Variants in LINGO2 observed in about 807,000 individuals in gnomAD.
LINGO2 encodes the protein leucine-rich repeat and immunoglobulin-like domain-containing nogo receptor-interacting protein 2.
Under a neutral mutation model 30.6 loss-of-function variants are expected in LINGO2, and 14 were observed. That is an observed-to-expected ratio of 0.46 (90% confidence interval 0.30 to 0.72). The LOEUF is 0.72. Ranked by LOEUF, LINGO2 falls within the 30% of genes least tolerant of loss-of-function variation. LINGO2 has a pLI of 0.07. For synonymous variants in LINGO2, 317 were observed against 288.5 expected (o/e 1.10, Z -1.00); for missense variants, 729 against 751.7 (o/e 0.97, Z 0.35).
chr9:29,098,809 C>T, the LINGO2 span, among the ~76,000 whole-genome samples: 2,916 of 151,918 alleles, frequency 0.019, 25 homozygotes, highest in South Asian at 0.052. Flanking sequence ...CTATGGTTTC[C>T]GTGTTAAAGT....
At chr9:29,013,802 A>C in the LINGO2 span, among the ~76,000 whole-genome samples, 1 of 152,164 alleles carries the variant, frequency 6.6e-6, no homozygotes, top group Non-Finnish European at 1.5e-5. Context: ...GATGCCCATG[A>C]TATATTTTCA....
At chr9:28,993,012 A>T in the LINGO2 span, among the ~76,000 whole-genome samples, 1 of 152,078 alleles carries the variant, frequency 6.6e-6, no homozygotes, top group African/African-American at 2.4e-5. Context: ...AATAACTAAA[A>T]TCAGAGCAGA....
At chr9:28,026,917 C>A (rs1034713249) in intron 4 of LINGO2, among the ~76,000 whole-genome samples, 3 of 152,136 alleles carry the variant, frequency 2.0e-5, no homozygotes, top group Non-Finnish European at 2.9e-5. Flanking sequence ...TTTTCACGAC[C>A]TAGATCTCCT....
the LINGO2 span, among the ~76,000 whole-genome samples, chr9:29,183,923 T>C: frequency 6.6e-6 from 1 of 151,964 alleles, no homozygotes; most frequent in Non-Finnish European, 1.5e-5. Context: ...CCTACAAATG[T>C]AACACTTGAG....
rs143689926 is a variant in LINGO2, at chr9:28,190,496, G to T, written c.-87+104712C>A. On this transcript the variant is annotated intron_variant, in intron 4 of 5. Transcript: ENST00000379992. ...TATGTCCTGAGAGCAGAGCCCAAATGAATGAGATTCGTGCCCTTATAAAAG... is the reference window on the plus strand; with the variant it reads ...TATGTCCTGAGAGCAGAGCCCAAATTAATGAGATTCGTGCCCTTATAAAAG... 1.8e-3 allele frequency among the ~76,000 whole-genome samples: 281 copies of T among 152,214 alleles called. 2 individuals are homozygous for T. Among genetic ancestry groups the T allele is most frequent in the African/African-American group, 6.5e-3 (272 of 41,538 alleles).
intron 1 of LINGO2, among the ~76,000 whole-genome samples, chr9:28,532,852 A>G (rs1821288111): frequency 6.6e-6 from 1 of 151,898 alleles, no homozygotes; most frequent in Non-Finnish European, 1.5e-5. Context: ...TCTATTATAC[A>G]TTTCTAATTA....
the LINGO2 span, among the ~76,000 whole-genome samples, chr9:28,957,995 T>A: frequency 5.6e-4 from 85 of 152,310 alleles, no homozygotes; most frequent in African/African-American, 2.0e-3. Flanking sequence ...TTACATAAAC[T>A]TTTTCAAAGT....
At chr9:29,023,124 C>T in the LINGO2 span, among the ~76,000 whole-genome samples, 57,151 of 151,598 alleles carry the variant, frequency 0.38, 11,132 homozygotes, top group East Asian at 0.54. Context: ...CTTGAGTCTT[C>T]ACCCAGAGAG....
At chr9:28,180,936 G>T (rs1019163682) in intron 4 of LINGO2, among the ~76,000 whole-genome samples, 6 of 152,120 alleles carry the variant, frequency 3.9e-5, no homozygotes, top group Non-Finnish European at 8.8e-5. Flanking sequence ...ATAACCATTT[G>T]CCAATGTAGC....
chr9:28,056,201 A>C (rs892371070), intron 4 of LINGO2, among the ~76,000 whole-genome samples: 4 of 152,074 alleles, frequency 2.6e-5, no homozygotes, highest in African/African-American at 9.7e-5. Context: ...TAACAGGTTT[A>C]TATTATTACT....
At chr9:28,618,383 A>G (rs1826235517) in intron 1 of LINGO2, among the ~76,000 whole-genome samples, 1 of 151,946 alleles carries the variant, frequency 6.6e-6, no homozygotes, top group African/African-American at 2.4e-5. Context: ...TTTTCTTTCT[A>G]CCATTGCTAT....
At chr9:27,943,951 G>A (rs1173856008), downstream of LINGO2, 1 of 152,220 alleles carries the variant, frequency 6.6e-6, no homozygotes, top group Non-Finnish European at 1.5e-5. Flanking sequence ...GTAAACTTGA[G>A]AAAGGGCAGT....
chr9:28,602,293 G>T (rs1164133190), intron 1 of LINGO2, among the ~76,000 whole-genome samples: 1 of 151,958 alleles, frequency 6.6e-6, no homozygotes, highest in East Asian at 1.9e-4. Context: ...TGTTGCAGGA[G>T]TCTGGCAAAT....
At chr9:27,962,823 T>TA (rs1285885458) in intron 5 of LINGO2, among the ~76,000 whole-genome samples, 1 of 152,152 alleles carries the variant, frequency 6.6e-6, no homozygotes, top group African/African-American at 2.4e-5. Context: ...AGCAGGAAGC[T>TA]AAAATCTATA....
chr9:29,206,287 G>A, the LINGO2 span, among the ~76,000 whole-genome samples: 1 of 152,068 alleles, frequency 6.6e-6, no homozygotes, highest in Non-Finnish European at 1.5e-5. Context: ...ATTATTATGA[G>A]CATTTGTAAT....
the LINGO2 span, among the ~76,000 whole-genome samples, chr9:28,781,833 G>C: frequency 1.3e-5 from 2 of 152,082 alleles, no homozygotes; most frequent in Admixed American, 6.6e-5. Flanking sequence ...TATTATAAAT[G>C]AAAACCTCAA....
the LINGO2 span, among the ~76,000 whole-genome samples, chr9:28,818,671 C>T: frequency 6.6e-6 from 1 of 152,166 alleles, no homozygotes; most frequent in African/African-American, 2.4e-5. Flanking sequence ...CAGGCATGAG[C>T]CACTGTGCCT....
chr9:27,938,849 G>A, the LINGO2 span: 1 of 152,170 alleles, frequency 6.6e-6, no homozygotes, highest in Non-Finnish European at 1.5e-5. Context: ...GTAAATGAAT[G>A]AAAGGAGATT....
At chr9:28,160,717 T>C (rs1159334230) in intron 4 of LINGO2, among the ~76,000 whole-genome samples, 2 of 152,180 alleles carry the variant, frequency 1.3e-5, no homozygotes, top group African/African-American at 4.8e-5. Flanking sequence ...TTTTTGTTAT[T>C]CTATCCTCAG....
Sources: allele counts gnomAD v4.1 joint callset (sites outside exome capture counted in the v4.1 genomes callset), GRCh38; gene constraint gnomAD v4.1.1; transcripts MANE v1.5; gene names NCBI Gene and HGNC (gene_info 2026-07-23, HGNC 2026-07-21).